DLG2: variants seen among roughly 807,000 people sequenced by gnomAD.
The protein encoded by DLG2 is discs large MAGUK scaffold protein 2.
In DLG2, 45 loss-of-function variants were observed where a neutral mutation model predicts 132.5. The observed-to-expected ratio is 0.34, with a 90% CI of 0.27 to 0.44. The LOEUF is 0.44. Among genes scored for constraint, DLG2 ranks in the 20% least tolerant of loss-of-function variants. The pLI is 1.00. For synonymous variants in DLG2, 424 were observed against 419.6 expected (o/e 1.01, Z -0.13); for missense variants, 1,045 against 1,196.9 (o/e 0.87, Z 1.87).
intron 3 of DLG2, among the ~76,000 whole-genome samples, chr11:85,446,687 G>A (rs2092024982): frequency 6.6e-6 from 1 of 151,980 alleles, no homozygotes; most frequent in Non-Finnish European, 1.5e-5. Flanking sequence ...TACAACCACA[G>A]ATGCATCTTA....
intron 2 of DLG2, among the ~76,000 whole-genome samples, chr11:85,606,597 C>G (rs1428694757): frequency 1.3e-5 from 2 of 152,166 alleles, no homozygotes; most frequent in Admixed American, 6.5e-5. Context: ...AGCAGGCCAC[C>G]TGAGCCAGCA....
At chr11:84,472,211 A>G (rs2099110347) in intron 7 of DLG2, among the ~76,000 whole-genome samples, 1 of 151,924 alleles carries the variant, frequency 6.6e-6, no homozygotes, top group Admixed American at 6.6e-5. Context: ...GTGCCTGTAT[A>G]CATGTTTAAA....
intron 7 of DLG2, among the ~76,000 whole-genome samples, chr11:84,387,098 T>C (rs888809700): frequency 2.0e-5 from 3 of 151,940 alleles, no homozygotes; most frequent in Admixed American, 2.0e-4. Context: ...CTCTTCTGAG[T>C]AAGAAGTGGT....
chr11:84,317,199 T>G, intron 7 of DLG2: 1 of 1,549,726 alleles, frequency 6.5e-7, no homozygotes, highest in Admixed American at 1.9e-5. Context: ...AAATGTCTCC[T>G]CCCTCACACC....
At position 84,496,694 on chromosome 11, in the gene DLG2, CT is replaced by C. The variant is rs1487853965; in HGVS notation, c.519+37875del. ...ACTTTTATATATATAAAAAATAATC[CT>C]TAAAATTTATTTAGTATTACATGAT... On this transcript the variant is annotated intron_variant, in intron 7 of 27. Coordinates refer to ENST00000376104, the MANE Select transcript of DLG2 (RefSeq NM_001142699.3). Among the ~76,000 whole-genome samples the C allele has an allele frequency of 3.9e-5, 6 of 151,996 alleles. No homozygotes were observed. The South Asian group carries it at 1.0e-3, about 26-fold the overall frequency.
At chr11:84,483,367 G>T (rs2099142688) in intron 7 of DLG2, among the ~76,000 whole-genome samples, 1 of 146,468 alleles carries the variant, frequency 6.8e-6, no homozygotes. Flanking sequence ...GGGAGATGGG[G>T]TTGCAGTGAG....
At position 85,558,345 on chromosome 11, in the gene DLG2, A is replaced by C. The variant is rs1244533440; in HGVS notation, c.40+40312T>G. ...TGTGGAGAAAAGGGAATGCTTATAC[A>C]CTGTTTATGGTAATGCAAATTAGTT... On this transcript the variant is annotated intron_variant, in intron 3 of 27. Transcript: ENST00000376104. 3.9e-5 allele frequency among the ~76,000 whole-genome samples: 6 copies of C among 151,976 alleles called. 1 individual carries two copies. Among genetic ancestry groups the C allele is most frequent in the Non-Finnish European group, 4.4e-5 (3 of 67,916 alleles).
chr11:83,614,025 C>T (rs560891806), intron 19 of DLG2, among the ~76,000 whole-genome samples: 14 of 151,656 alleles, frequency 9.2e-5, no homozygotes, highest in Non-Finnish European at 1.9e-4. Flanking sequence ...CGATTTTTGG[C>T]CCCTCCCTGG....
At chr11:85,439,293 T>C (rs975994816) in intron 3 of DLG2, among the ~76,000 whole-genome samples, 1 of 152,070 alleles carries the variant, frequency 6.6e-6, no homozygotes, top group Non-Finnish European at 1.5e-5. Context: ...CAGGATCTGC[T>C]ACATGTTAAC....
In DLG2 at chr11:83,457,410, ATATG is replaced by A. The variant is rs2089186413; in HGVS notation, c.*2404_*2407del. 6.6e-6 allele frequency: 1 copy of A among 152,642 alleles called. No homozygotes were observed. The highest frequency in any genetic ancestry group is 1.5e-5 in the Non-Finnish European group (1 of 68,034). 9.5% of individuals were successfully genotyped at this position (152,642 alleles called of 1,614,324 possible). A position where few individuals can be genotyped will look rare whatever the true frequency, so the allele number is the denominator to read the frequency against. On this transcript the variant is annotated 3_prime_UTR_variant, in exon 28 of 28. Transcript: ENST00000376104. ...GCTTGGTGATTCTTCAAGCAAATAT[ATATG>A]TATCTATATATTTATATAAATCTAC...
At chr11:85,547,477 T>G (rs2076406394) in intron 3 of DLG2, among the ~76,000 whole-genome samples, 1 of 152,258 alleles carries the variant, frequency 6.6e-6, no homozygotes, top group Non-Finnish European at 1.5e-5. Flanking sequence ...GTTGTTCTTC[T>G]CAAGGAGTAT....
intron 6 of DLG2, among the ~76,000 whole-genome samples, chr11:84,970,419 T>A (rs1034576464): frequency 1.3e-5 from 2 of 152,188 alleles, no homozygotes; most frequent in African/African-American, 4.8e-5. Flanking sequence ...TCTTAGTCCA[T>A]TTGGGCTGCC....
chr11:85,622,122 ATATGATCATTAGCATT>A (rs1303680866), intron 2 of DLG2, among the ~76,000 whole-genome samples: 1 of 152,254 alleles, frequency 6.6e-6, no homozygotes, highest in Non-Finnish European at 1.5e-5. Flanking sequence ...CTAAAGGCTC[ATATGATCATTAGCATT>A]TTTTAGTTGT....
At chr11:83,584,921 A>T (rs2097055722) in intron 19 of DLG2, among the ~76,000 whole-genome samples, 1 of 152,186 alleles carries the variant, frequency 6.6e-6, no homozygotes, top group Non-Finnish European at 1.5e-5. Context: ...TGTGCATAAG[A>T]CATGATTCCT....
intron 17 of DLG2, among the ~76,000 whole-genome samples, chr11:83,830,052 C>A (rs1032421086): frequency 6.6e-6 from 1 of 152,098 alleles, no homozygotes; most frequent in African/African-American, 2.4e-5. Context: ...CAGAAGCTAG[C>A]CATTTTCTAG....
In DLG2 at chr11:83,589,398, T is replaced by C. The variant is rs1390164129; in HGVS notation, c.1940+43813A>G. Among the ~76,000 whole-genome samples, 6 of 148,120 alleles carry C rather than the reference T, an allele frequency of 4.1e-5. No individual in the cohort carries two copies. In the South Asian group the frequency reaches 8.8e-4, roughly 22 times the overall value. On this transcript the variant is annotated intron_variant, in intron 19 of 27. Transcript: ENST00000376104. ...TCATATCCAGCCAAACTAAGCTTCA[T>C]AAGTGAAGGAGAAATAAAATACTTT...
intron 6 of DLG2, among the ~76,000 whole-genome samples, chr11:84,968,470 C>T (rs2053619557): frequency 6.6e-6 from 1 of 152,072 alleles, no homozygotes; most frequent in East Asian, 1.9e-4. Flanking sequence ...GAATAAAAGT[C>T]ATTACGTATC....
intron 7 of DLG2, among the ~76,000 whole-genome samples, chr11:84,502,413 T>TC (rs2099222269): frequency 1.5e-5 from 2 of 137,008 alleles, no homozygotes; most frequent in African/African-American, 2.8e-5. Context: ...TTTCTTTCTT[T>TC]CTATACAGAG....
chr11:84,909,124 G>A (rs988604105), intron 6 of DLG2, among the ~76,000 whole-genome samples: 1 of 152,068 alleles, frequency 6.6e-6, no homozygotes, highest in Non-Finnish European at 1.5e-5. Flanking sequence ...CTGCATCGAT[G>A]CACCTTTTAA....
Sources: gnomAD v4.1 joint callset for allele counts (sites outside exome capture counted in the v4.1 genomes callset) on GRCh38, gnomAD v4.1.1 for gene constraint, MANE v1.5 for transcripts, NCBI Gene and HGNC (gene_info 2026-07-23, HGNC 2026-07-21) for gene names.